ORC3: variants seen among roughly 807,000 people sequenced by gnomAD.
ORC3 encodes homolog of latheo, Drosophila.
In ORC3, 78 loss-of-function variants were observed where a neutral mutation model predicts 100.7. That is an observed-to-expected ratio of 0.77 (90% CI 0.65 to 0.94). ORC3 has a LOEUF of 0.94. Ranked by LOEUF, ORC3 falls within the 40% of genes least tolerant of loss-of-function variation. ORC3 has a pLI of 0.00. For missense variants in ORC3, 789 were observed against 823.9 expected (o/e 0.96, Z 0.52); for synonymous variants, 295 against 289.3 (o/e 1.02, Z -0.20).
intron 13 of ORC3, among the ~76,000 whole-genome samples, chr6:87,642,456 G>T (rs1250187494): frequency 6.6e-6 from 1 of 151,942 alleles, no homozygotes; most frequent in Non-Finnish European, 1.5e-5. Context: ...TGTGGCACAT[G>T]CCTGTAATCC....
intron 8 of ORC3, 28 bp downstream of exon 8, chr6:87,612,276 A>G: frequency 1.9e-6 from 3 of 1,540,954 alleles, no homozygotes; most frequent in Admixed American, 2.1e-5. Context: ...TACCAGTGAA[A>G]TAGGATGAAA....
intron 13 of ORC3, among the ~76,000 whole-genome samples, chr6:87,647,637 G>A (rs923979286): frequency 7.9e-5 from 12 of 152,180 alleles, no homozygotes; most frequent in Non-Finnish European, 1.5e-4. Context: ...TGTAAGTTCC[G>A]TGAGGACAGT....
chr6:87,659,106 C>A (rs1769975659), intron 16 of ORC3, among the ~76,000 whole-genome samples: 1 of 145,504 alleles, frequency 6.9e-6, no homozygotes, highest in African/African-American at 2.6e-5. Flanking sequence ...CTCTGTCGCC[C>A]AGGCTGGAGT....
the ORC3 span, among the ~76,000 whole-genome samples, chr6:87,676,447 CAAAAAAAAA>C: frequency 4.8e-5 from 2 of 41,908 alleles, no homozygotes; most frequent in South Asian, 1.2e-3. Context: ...GCCTGGGCAA[CAAAAAAAAA>C]AAAAAAAAAA....
the ORC3 span, among the ~76,000 whole-genome samples, chr6:87,677,617 A>G: frequency 1.3e-5 from 2 of 152,322 alleles, no homozygotes; most frequent in Admixed American, 6.5e-5. Flanking sequence ...GCTGATCTAC[A>G]CGGCTAGCCA....
intron 8 of ORC3, among the ~76,000 whole-genome samples, chr6:87,615,469 TC>T (rs1779093257): frequency 1.3e-5 from 2 of 152,236 alleles, no homozygotes. Flanking sequence ...TTAGTGTTTT[TC>T]TTTTTTTCCA....
intron 12 of ORC3, 71 bp downstream of exon 12, chr6:87,635,032 G>A (rs1444806939): frequency 2.4e-6 from 2 of 826,442 alleles, no homozygotes; most frequent in Admixed American, 3.4e-5. Flanking sequence ...GGTTTTTGTA[G>A]CATTCAGGCA....
chr6:87,631,326 G>A lies in ORC3; in HGVS notation c.1186-3519G>A, dbSNP rs71572771. 6.7e-3 allele frequency among the ~76,000 whole-genome samples: 1,027 copies of A among 152,186 alleles called. 8 individuals are homozygous for A. The highest frequency in any genetic ancestry group is 0.01 in the Non-Finnish European group (709 of 68,006). On this transcript the variant is annotated intron_variant, in intron 11 of 19. Coordinates refer to ENST00000392844, the MANE Select transcript of ORC3 (RefSeq NM_012381.4). ...ATATTCCTAGACAAAGTGTATCTCC[G>A]TAGAAAAGAATCATTGTAAACACAA...
At position 87,607,832 on chromosome 6, in the gene ORC3, T is replaced by C. The variant is rs768438127; in HGVS notation, c.579+8T>C. 3.8e-6 allele frequency: 6 copies of C among 1,592,356 alleles called. No individual in the cohort carries two copies. The highest frequency in any genetic ancestry group is 5.1e-6 in the Non-Finnish European group (6 of 1,165,730). On this transcript the variant is annotated splice_region_variant and intron_variant, in intron 6 of 19. Coordinates refer to ENST00000392844, the MANE Select transcript of ORC3 (RefSeq NM_012381.4). The stretch of plus-strand genomic sequence containing the variant: ...TATATGACTGTCACACAGGTAGATA[T>C]AAACTGATGATTTTCTCCCAGGAAA...
rs769035317 is a variant in ORC3 at position 87,609,244 on chromosome 6, AC to A, written c.713+17del. On this transcript the variant is annotated intron_variant, in intron 7 of 19. Transcript: ENST00000392844. ...ATTATCAGCAGGTAGATGGTGTATT[AC>A]CTGGCTTTTATGAAAAACTCCCTTT... 11 of 1,530,020 alleles carry A rather than the reference AC, an allele frequency of 7.2e-6. No homozygotes were observed. The highest frequency in any genetic ancestry group is 9.6e-6 in the Non-Finnish European group (11 of 1,143,462). 94.8% of individuals were successfully genotyped at this position (1,530,020 alleles called of 1,614,324 possible). A position where few individuals can be genotyped will look rare whatever the true frequency, so the allele number is the denominator to read the frequency against.
At chr6:87,602,959 A>ATATATATATATATAT in intron 3 of ORC3, among the ~76,000 whole-genome samples, 4 of 53,340 alleles carry the variant, frequency 7.5e-5, no homozygotes, top group African/African-American at 3.1e-4. Context: ...TATATAATAT[A>ATATATATATATATAT]TATATATATA....
chr6:87,657,859 G>A (rs1464764237), intron 15 of ORC3, 62 bp from the exon 16 acceptor site: 2 of 850,312 alleles, frequency 2.4e-6, no homozygotes, highest in Admixed American at 1.9e-5. Context: ...TACCAACAGA[G>A]CTCCCTCTGA....
intron 16 of ORC3, among the ~76,000 whole-genome samples, chr6:87,659,924 A>G (rs923846682): frequency 4.8e-5 from 5 of 103,606 alleles, no homozygotes; most frequent in South Asian, 3.0e-4. Flanking sequence ...TTGGCCAAAT[A>G]CTGGTCAAAA....
intron 11 of ORC3, among the ~76,000 whole-genome samples, chr6:87,626,363 G>T (rs1310217186): frequency 6.6e-6 from 1 of 152,150 alleles, no homozygotes; most frequent in African/African-American, 2.4e-5. Flanking sequence ...TTATTTCACT[G>T]AGCAGTGGTT....
chr6:87,657,101 A>G, intron 15 of ORC3, 119 bp downstream of exon 15: 1 of 684,072 alleles, frequency 1.5e-6, no homozygotes, highest in East Asian at 2.8e-5. Flanking sequence ...AACCAGGAAC[A>G]AAGCAGACTT....
At position 87,657,543 on chromosome 6, in the gene ORC3, T is replaced by C. The variant is rs532700091; in HGVS notation, c.1594-378T>C. Among the ~76,000 whole-genome samples the C allele has an allele frequency of 2.8e-4, 43 of 152,272 alleles. 1 individual carries two copies. The highest frequency in any genetic ancestry group is 8.9e-4 in the African/African-American group (37 of 41,560). On this transcript the variant is annotated intron_variant, in intron 15 of 19. Transcript: ENST00000392844. ...GAGTAAAATTTCAATCTAAGTAAAA[T>C]AAAACACATGGAATCTATTCTGTTA...
chr6:87,676,802 CAT>C, the ORC3 span, among the ~76,000 whole-genome samples: 1 of 149,606 alleles, frequency 6.7e-6, no homozygotes, highest in Non-Finnish European at 1.5e-5. Flanking sequence ...ATTGGCCGGG[CAT>C]GGTGGCTTAC....
chr6:87,629,581 CA>C lies in ORC3; in HGVS notation c.1186-5263del, dbSNP rs376521235. Among the ~76,000 whole-genome samples the C allele has an allele frequency of 5.2e-3, 568 of 108,970 alleles. 5 individuals carry two copies. Among genetic ancestry groups the C allele is most frequent in the African/African-American group, 0.021 (523 of 24,778 alleles). The allele number at this position is 108,970 out of a possible 152,430, so 71.5% of individuals were successfully genotyped here. On this transcript the variant is annotated intron_variant, in intron 11 of 19. Transcript: ENST00000392844. ...ATATATGATTTTTAAAAAATAGATT[CA>C]GGGGGTTACAGGTGCAGTTTGTTAC...
At chr6:87,603,199 G>C (rs1157890061) in intron 3 of ORC3, among the ~76,000 whole-genome samples, 185 bp from the exon 4 acceptor site, 2 of 151,444 alleles carry the variant, frequency 1.3e-5, no homozygotes, top group Non-Finnish European at 2.9e-5. Context: ...AGGCTTGAGA[G>C]GGAATTTTTA....
Sources: gnomAD v4.1 joint callset for allele counts (sites outside exome capture counted in the v4.1 genomes callset) on GRCh38, gnomAD v4.1.1 for gene constraint, MANE v1.5 for transcripts, NCBI Gene and HGNC (gene_info 2026-07-23, HGNC 2026-07-21) for gene names.